Variants in CTNNA3 observed in about 807,000 individuals in gnomAD.
The protein encoded by CTNNA3 is catenin alpha-3.
A neutral mutation model predicts 95.7 loss-of-function variants in CTNNA3; 76 were observed. The ratio of observed to expected loss-of-function variants is 0.79; its 90% CI spans 0.66 to 0.96. The LOEUF is 0.96. Ranked by LOEUF, CTNNA3 falls within the 40% of genes least tolerant of loss-of-function variation. The pLI, the probability that CTNNA3 is intolerant of heterozygous loss-of-function variation, is 0.00. For missense variants in CTNNA3, 1,191 were observed against 1,089.8 expected, an observed-to-expected ratio of 1.09 and a Z score of -1.31; for synonymous variants, 431 against 374.4, an observed-to-expected ratio of 1.15 and a Z score of -1.74.
chr10:66,815,880 A>T (rs7085996), intron 7 of CTNNA3, among the ~76,000 whole-genome samples: 17,146 of 152,244 alleles, frequency 0.11, 1,321 homozygotes, highest in African/African-American at 0.2. Flanking sequence ...AAAGGACATA[A>T]GACAGTAACT....
intron 15 of CTNNA3, 116 bp downstream of exon 15, chr10:66,069,192 T>C: frequency 2.1e-6 from 2 of 945,918 alleles, no homozygotes; most frequent in Non-Finnish European, 3.3e-6. Context: ...CTATATTTGC[T>C]TTTCCCCTAC....
At chr10:67,670,977 T>C (rs1225301701) in intron 1 of CTNNA3, among the ~76,000 whole-genome samples, 1 of 152,098 alleles carries the variant, frequency 6.6e-6, no homozygotes, top group Non-Finnish European at 1.5e-5. Flanking sequence ...TTTTGTTTTT[T>C]TGTTTGTTTG....
intron 7 of CTNNA3, among the ~76,000 whole-genome samples, chr10:67,077,222 G>A (rs959990844): frequency 2.0e-4 from 30 of 152,190 alleles, no homozygotes; most frequent in African/African-American, 7.0e-4. Flanking sequence ...GCACATGTTC[G>A]CTCTGGACCT....
At chr10:66,684,626 A>T (rs756220795) in intron 9 of CTNNA3, among the ~76,000 whole-genome samples, 2 of 152,096 alleles carry the variant, frequency 1.3e-5, no homozygotes, top group Non-Finnish European at 2.9e-5. Flanking sequence ...GTCTCCTTAA[A>T]CTTCTCAGGA....
intron 7 of CTNNA3, among the ~76,000 whole-genome samples, chr10:67,126,254 C>T (rs1273887035): frequency 1.3e-5 from 2 of 152,146 alleles, no homozygotes; most frequent in African/African-American, 2.4e-5. Context: ...TTAGGCCAGG[C>T]GTGGTGGCTC....
Position 67,373,436 on chromosome 10 carries a change from A to G in CTNNA3, c.579+148406T>C, listed in dbSNP as rs184710961. 2.4e-4 allele frequency among the ~76,000 whole-genome samples: 37 copies of G among 152,352 alleles called. No individual in the cohort carries two copies. The East Asian group carries it at 6.9e-3, about 29-fold the overall frequency. ...ACAAGAAGAGCTAACTATCCTAAAT[A>G]TATATGCACCCAATACAGGAGCACC... On this transcript the variant is annotated intron_variant, in intron 5 of 17. Coordinates refer to ENST00000433211, the MANE Select transcript of CTNNA3 (RefSeq NM_013266.4).
intron 3 of CTNNA3, among the ~76,000 whole-genome samples, chr10:67,583,182 T>G (rs1294515876): frequency 6.6e-6 from 1 of 152,198 alleles, no homozygotes; most frequent in Admixed American, 6.5e-5. Context: ...GGCATGGTTT[T>G]GCAGTGGCTG....
chr10:66,995,014 G>A (rs1361663763), intron 7 of CTNNA3, among the ~76,000 whole-genome samples: 2 of 152,096 alleles, frequency 1.3e-5, no homozygotes, highest in Admixed American at 1.3e-4. Flanking sequence ...CAGAGTTCAT[G>A]CCTTCTCATT....
chr10:67,152,109 T>C (rs1159517792), intron 7 of CTNNA3, among the ~76,000 whole-genome samples: 1 of 152,158 alleles, frequency 6.6e-6, no homozygotes, highest in African/African-American at 2.4e-5. Context: ...AAAAGTGAAA[T>C]TGTACACCAA....
At chr10:67,664,821 A>G (rs1175853375) in intron 1 of CTNNA3, among the ~76,000 whole-genome samples, 4 of 152,160 alleles carry the variant, frequency 2.6e-5, no homozygotes, top group Admixed American at 6.6e-5. Flanking sequence ...GCTATGCTCT[A>G]CCGTATTGAA....
intron 13 of CTNNA3, among the ~76,000 whole-genome samples, chr10:66,243,125 A>G (rs1397773446): frequency 6.6e-6 from 1 of 152,226 alleles, no homozygotes; most frequent in Non-Finnish European, 1.5e-5. Flanking sequence ...AACATTAAAA[A>G]AGAGATCTTA....
At chr10:67,048,578 T>C (rs944374799) in intron 7 of CTNNA3, among the ~76,000 whole-genome samples, 2 of 152,090 alleles carry the variant, frequency 1.3e-5, no homozygotes, top group African/African-American at 2.4e-5. Flanking sequence ...TTATATACAT[T>C]ATCACAACAC....
At chr10:67,687,991 T>C (rs1162798026) in intron 1 of CTNNA3, among the ~76,000 whole-genome samples, 4 of 152,168 alleles carry the variant, frequency 2.6e-5, no homozygotes, top group Non-Finnish European at 4.4e-5. Context: ...ATTCTATCAT[T>C]TACTTGACTA....
chr10:67,467,748 T>C (rs914396698), intron 5 of CTNNA3, among the ~76,000 whole-genome samples: 3 of 152,012 alleles, frequency 2.0e-5, no homozygotes, highest in Non-Finnish European at 4.4e-5. Flanking sequence ...GGCCTCACTG[T>C]CACTTAGGCT....
chr10:67,583,098 C>A (rs1350229187), intron 3 of CTNNA3, among the ~76,000 whole-genome samples: 2 of 152,020 alleles, frequency 1.3e-5, no homozygotes, highest in Non-Finnish European at 1.5e-5. Context: ...TTGATCCTGC[C>A]ATTATGATGT....
At chr10:66,052,838 A>G (rs182729402) in intron 15 of CTNNA3, among the ~76,000 whole-genome samples, 62 of 152,290 alleles carry the variant, frequency 4.1e-4, no homozygotes, top group African/African-American at 1.4e-3. Context: ...AGAATTAAGT[A>G]TCTAAATAAG....
At chr10:67,620,913 G>GTC (rs1843813104) in intron 2 of CTNNA3, among the ~76,000 whole-genome samples, 1 of 101,412 alleles carries the variant, frequency 9.9e-6, no homozygotes, top group Admixed American at 9.9e-5. Context: ...ATGTGTGTGT[G>GTC]TGTGTGTGTG....
chr10:66,724,976 C>A (rs902406723), intron 9 of CTNNA3, among the ~76,000 whole-genome samples: 1 of 152,082 alleles, frequency 6.6e-6, no homozygotes, highest in African/African-American at 2.4e-5. Flanking sequence ...TTCATGGATG[C>A]TGAAGTCTCT....
chr10:67,743,482 G>C (rs1021864587), intron 1 of CTNNA3, among the ~76,000 whole-genome samples: 3 of 151,244 alleles, frequency 2.0e-5, no homozygotes, highest in Non-Finnish European at 4.4e-5. Context: ...CAATAAATTA[G>C]GTATTGATGG....
Sources: gnomAD v4.1 joint callset for allele counts (sites outside exome capture counted in the v4.1 genomes callset) on GRCh38, gnomAD v4.1.1 for gene constraint, MANE v1.5 for transcripts, NCBI Gene and HGNC (gene_info 2026-07-23, HGNC 2026-07-21) for gene names.